Variants in CDKL3 observed in about 807,000 individuals in gnomAD.
CDKL3 encodes the protein cyclin dependent kinase like 3.
CDKL3 carries 65 observed loss-of-function variants against 69.3 expected under a neutral mutation model. The observed-to-expected ratio is 0.94, with a 90% CI of 0.77 to 1.15. The LOEUF (loss-of-function observed/expected upper bound fraction) is 1.15. Ranked by LOEUF, CDKL3 falls within the 50% of genes most tolerant of loss-of-function variation. The pLI, the probability that CDKL3 is intolerant of heterozygous loss-of-function variation, is 0.00. For synonymous variants in CDKL3, 202 were observed against 221.6 expected (o/e 0.91, Z 0.79); for missense variants, 652 against 689.2 (o/e 0.95, Z 0.61).
At chr5:134,322,531 C>A (rs1460481243) in intron 4 of CDKL3, among the ~76,000 whole-genome samples, 1 of 152,116 alleles carries the variant, frequency 6.6e-6, no homozygotes, top group Non-Finnish European at 1.5e-5. Context: ...CTAAGATATA[C>A]TCACATGTGT....
chr5:134,340,659 A>G (rs545855468), intron 4 of CDKL3, among the ~76,000 whole-genome samples: 2 of 152,226 alleles, frequency 1.3e-5, no homozygotes, highest in Non-Finnish European at 2.9e-5. Flanking sequence ...AACTGGCTCA[A>G]TAAAAAATAG....
chr5:134,369,890 T>C (rs549516295), upstream of CDKL3, among the ~76,000 whole-genome samples: 17 of 152,352 alleles, frequency 1.1e-4, 1 homozygote, highest in South Asian at 3.3e-3. Flanking sequence ...TTTTTCTCCA[T>C]GTAACCCTAC....
At chr5:134,329,045 C>G (rs761227857) in intron 4 of CDKL3, among the ~76,000 whole-genome samples, 1 of 152,140 alleles carries the variant, frequency 6.6e-6, no homozygotes, top group Non-Finnish European at 1.5e-5. Context: ...GACAGTAATT[C>G]AAATCCACAG....
chr5:134,293,735 G>A (rs1765227320), downstream of CDKL3, among the ~76,000 whole-genome samples: 2 of 152,148 alleles, frequency 1.3e-5, no homozygotes, highest in Non-Finnish European at 2.9e-5. Context: ...AGGAGTTCAA[G>A]GCTGCAGTGA....
intron 2 of CDKL3, among the ~76,000 whole-genome samples, chr5:134,360,432 T>C (rs1173851072): frequency 2.0e-5 from 3 of 152,012 alleles, no homozygotes; most frequent in Admixed American, 2.0e-4. Context: ...CTTGAACTCC[T>C]GACCTCAGGT....
chr5:134,369,418 A>G (rs979991482), upstream of CDKL3, among the ~76,000 whole-genome samples: 1 of 152,186 alleles, frequency 6.6e-6, no homozygotes, highest in Non-Finnish European at 1.5e-5. Context: ...TCAGCTCAAC[A>G]GGGAAAGAGG....
chr5:134,337,984 T>C (rs78741697), intron 4 of CDKL3, among the ~76,000 whole-genome samples: 1 of 152,186 alleles, frequency 6.6e-6, no homozygotes, highest in Admixed American at 6.5e-5. Flanking sequence ...TTCCATGAAC[T>C]TTTTGAAGAC....
chr5:134,325,101 C>T (rs927063277), intron 4 of CDKL3, among the ~76,000 whole-genome samples: 2 of 152,114 alleles, frequency 1.3e-5, no homozygotes, highest in Non-Finnish European at 1.5e-5. Context: ...TCACTTGAGC[C>T]TGGGAAATCA....
At chr5:134,350,786 C>T (rs1753053140) in intron 3 of CDKL3, among the ~76,000 whole-genome samples, 1 of 146,748 alleles carries the variant, frequency 6.8e-6, no homozygotes, top group Non-Finnish European at 1.5e-5. Flanking sequence ...TTGAGACCAG[C>T]CTGGGTAACA....
chr5:134,364,653 A>G (rs1454802198), intron 2 of CDKL3, among the ~76,000 whole-genome samples: 1 of 151,820 alleles, frequency 6.6e-6, no homozygotes, highest in African/African-American at 2.4e-5. Context: ...CTGGGATTAC[A>G]GGCATGCACT....
At chr5:134,351,432 G>A (rs1332342706) in intron 3 of CDKL3, among the ~76,000 whole-genome samples, 1 of 152,100 alleles carries the variant, frequency 6.6e-6, no homozygotes, top group Admixed American at 6.6e-5. Context: ...ATTTTTTAAA[G>A]AGATAGGGTC....
intron 4 of CDKL3, among the ~76,000 whole-genome samples, chr5:134,347,883 G>A (rs368714552): frequency 5.9e-5 from 9 of 152,056 alleles, no homozygotes; most frequent in East Asian, 1.9e-4. Context: ...GGGAGGAAAC[G>A]GAGAGTTACA....
intron 8 of CDKL3, among the ~76,000 whole-genome samples, chr5:134,289,057 G>C (rs1765002838): frequency 6.6e-6 from 1 of 150,652 alleles, no homozygotes; most frequent in African/African-American, 2.4e-5. Flanking sequence ...AACTATTCAG[G>C]AGGCTGAGGC....
intron 12 of CDKL3, among the ~76,000 whole-genome samples, chr5:134,301,252 C>A (rs1051821776): frequency 7.2e-5 from 11 of 152,164 alleles, no homozygotes; most frequent in African/African-American, 2.4e-4. Context: ...CCCTCTTCAG[C>A]CTCCCAAAGT....
chr5:134,297,435 A>AT (rs1269364710), downstream of CDKL3, among the ~76,000 whole-genome samples: 3 of 152,180 alleles, frequency 2.0e-5, no homozygotes, highest in Admixed American at 2.0e-4. Flanking sequence ...ATACCACATT[A>AT]TTTTTAAATA....
chr5:134,309,911 A>C (rs1037865833), intron 7 of CDKL3, among the ~76,000 whole-genome samples: 1 of 152,084 alleles, frequency 6.6e-6, no homozygotes, highest in African/African-American at 2.4e-5. Flanking sequence ...GGCTCACTGC[A>C]ACCCTGACCT....
At chr5:134,340,096 G>A (rs1175544324) in intron 4 of CDKL3, among the ~76,000 whole-genome samples, 1 of 152,022 alleles carries the variant, frequency 6.6e-6, no homozygotes, top group Non-Finnish European at 1.5e-5. Context: ...CAAGGCTGCA[G>A]TGATCCGAGA....
intron 6 of CDKL3, among the ~76,000 whole-genome samples, chr5:134,313,523 T>G (rs1770152489): frequency 6.6e-6 from 1 of 152,126 alleles, no homozygotes; most frequent in African/African-American, 2.4e-5. Flanking sequence ...AGAGATCAAG[T>G]AATTTGTTTA....
intron 4 of CDKL3, among the ~76,000 whole-genome samples, chr5:134,329,512 C>T (rs1396424273): frequency 2.0e-5 from 3 of 151,550 alleles, no homozygotes; most frequent in Admixed American, 6.6e-5. Flanking sequence ...CTCGCTCTGT[C>T]GCCCAGGCTG....
Sources: gnomAD v4.1 joint callset for allele counts (sites outside exome capture counted in the v4.1 genomes callset) on GRCh38, gnomAD v4.1.1 for gene constraint, MANE v1.5 for transcripts, NCBI Gene and HGNC (gene_info 2026-07-23, HGNC 2026-07-21) for gene names.